The following CADPS2 variants were observed in gnomAD, a reference collection of about 807,000 sequenced individuals.
The protein encoded by CADPS2 is calcium-dependent secretion activator 2.
Under a neutral mutation model 172.5 loss-of-function variants are expected in CADPS2, and 93 were observed. The observed-to-expected ratio is 0.54, with a 90% CI of 0.46 to 0.64. The LOEUF (loss-of-function observed/expected upper bound fraction) is 0.64, where lower values mean the gene tolerates loss of function less well. CADPS2 is among the 30% of genes least tolerant of loss of function. The pLI, the probability that CADPS2 is intolerant of heterozygous loss-of-function variation, is 0.00. For synonymous variants in CADPS2, 546 were observed against 555.2 expected (o/e 0.98, Z 0.23); for missense variants, 1,420 against 1,565.9 (o/e 0.91, Z 1.57).
rs1390707355 is a variant in CADPS2, at chr7:122,387,198, A to G, written c.3165-25T>C. On this transcript the variant is annotated intron_variant, in intron 23 of 29. Transcript: ENST00000449022. ...TCTAGTTTTTAAAACATGAATTCAGAGTAAGAAATTCTGCTATACAGCTCA... is the reference window on the plus strand; with the variant it reads ...TCTAGTTTTTAAAACATGAATTCAGGGTAAGAAATTCTGCTATACAGCTCA... The G allele has an allele frequency of 6.4e-6, 10 of 1,561,146 alleles. No homozygotes were observed. The African/African-American group carries it at 1.4e-4, about 21-fold the overall frequency.
intron 2 of CADPS2, among the ~76,000 whole-genome samples, chr7:122,687,468 C>G (rs1399363447): frequency 6.6e-6 from 1 of 152,170 alleles, no homozygotes; most frequent in Non-Finnish European, 1.5e-5. Flanking sequence ...AGAACAAGTT[C>G]AAATATAGGT....
chr7:122,806,345 T>C (rs1224130620), intron 1 of CADPS2, among the ~76,000 whole-genome samples: 1 of 152,172 alleles, frequency 6.6e-6, no homozygotes, highest in Non-Finnish European at 1.5e-5. Context: ...TATGTCATTT[T>C]TTTCTACTAC....
At chr7:122,581,030 G>C (rs941560698) in intron 7 of CADPS2, 149 bp downstream of exon 7, 1 of 584,394 alleles carries the variant, frequency 1.7e-6, no homozygotes, top group Non-Finnish European at 3.1e-6. Context: ...ATAAATTAGA[G>C]GTGTATACTG....
intron 24 of CADPS2, among the ~76,000 whole-genome samples, chr7:122,385,295 AT>A (rs11419565): frequency 3.2e-4 from 48 of 151,516 alleles, no homozygotes; most frequent in East Asian, 1.2e-3. Context: ...ATATAAATAC[AT>A]TTTTTTTTCT....
chr7:122,825,301 T>A (rs1804560727), intron 1 of CADPS2, among the ~76,000 whole-genome samples: 1 of 152,152 alleles, frequency 6.6e-6, no homozygotes, highest in African/African-American at 2.4e-5. Flanking sequence ...TATCATGCCA[T>A]CAATTGTAAA....
intron 1 of CADPS2, among the ~76,000 whole-genome samples, chr7:122,822,218 G>GTCCCAATTCTTAGACC (rs1423016954): frequency 6.6e-6 from 1 of 151,456 alleles, no homozygotes; most frequent in African/African-American, 2.4e-5. Context: ...ATCCTGAGTC[G>GTCCCAATTCTTAGACC]TCCCAATTCT....
intron 27 of CADPS2, among the ~76,000 whole-genome samples, chr7:122,346,769 A>C (rs949466157): frequency 6.6e-6 from 1 of 152,208 alleles, no homozygotes; most frequent in African/African-American, 2.4e-5. Flanking sequence ...CAAAGTCAGT[A>C]CTAGTAAGGG....
intron 3 of CADPS2, among the ~76,000 whole-genome samples, chr7:122,637,037 T>C (rs577481622): frequency 6.8e-6 from 1 of 146,264 alleles, no homozygotes; most frequent in African/African-American, 2.5e-5. Context: ...GGTTTTATTT[T>C]TTTAAATTGT....
At chr7:122,629,398 C>G in intron 3 of CADPS2, 70 bp from the exon 4 acceptor site, 1 of 1,090,040 alleles carries the variant, frequency 9.2e-7, no homozygotes, top group Non-Finnish European at 1.3e-6. Flanking sequence ...CAGACTGAGG[C>G]AGTCCCACAG....
intron 3 of CADPS2, among the ~76,000 whole-genome samples, chr7:122,652,502 A>T (rs2079269414): frequency 6.6e-6 from 1 of 152,202 alleles, no homozygotes; most frequent in African/African-American, 2.4e-5. Context: ...GAATATATAT[A>T]TTTGAAATTA....
intron 8 of CADPS2, among the ~76,000 whole-genome samples, chr7:122,529,613 G>A (rs1219792033): frequency 6.6e-6 from 1 of 151,986 alleles, no homozygotes; most frequent in Non-Finnish European, 1.5e-5. Flanking sequence ...ATCAGCCTTT[G>A]GAAGAAAATG....
chr7:122,514,458 A>G (rs1459159128), intron 8 of CADPS2, among the ~76,000 whole-genome samples: 1 of 152,060 alleles, frequency 6.6e-6, no homozygotes, highest in African/African-American at 2.4e-5. Context: ...ATTTTGCAAA[A>G]CATAACAAAC....
intron 19 of CADPS2, among the ~76,000 whole-genome samples, chr7:122,412,273 C>T (rs1182014011): frequency 2.6e-5 from 4 of 152,116 alleles, no homozygotes; most frequent in Non-Finnish European, 5.9e-5. Flanking sequence ...CTATTGTAAT[C>T]TAGTTGGTCG....
At chr7:122,358,258 C>G (rs1160336581) in intron 27 of CADPS2, among the ~76,000 whole-genome samples, 1 of 152,072 alleles carries the variant, frequency 6.6e-6, no homozygotes, top group African/African-American at 2.4e-5. Flanking sequence ...TACTTGGTAT[C>G]TGCATATCTT....
In CADPS2 at chr7:122,679,180, G is replaced by A. The variant is rs192201541; in HGVS notation, c.454-15611C>T. On this transcript the variant is annotated intron_variant, in intron 2 of 29. Coordinates refer to ENST00000449022, the MANE Select transcript of CADPS2 (RefSeq NM_017954.11). ...ACAGAGCCATATTTCTCTTATTACCGAAAACAGGTAAGATAAATATCACTG... is the reference window on the plus strand; with the variant it reads ...ACAGAGCCATATTTCTCTTATTACCAAAAACAGGTAAGATAAATATCACTG... 6.4e-3 allele frequency among the ~76,000 whole-genome samples: 904 copies of A among 142,012 alleles called. 6 individuals carry two copies. The highest frequency in any genetic ancestry group is 0.015 in the Admixed American group (194 of 12,630). The allele number at this position is 142,012 out of a possible 152,430, so 93.2% of individuals were successfully genotyped here. A position where few individuals can be genotyped will look rare whatever the true frequency, so the allele number is the denominator to read the frequency against.
intron 4 of CADPS2, among the ~76,000 whole-genome samples, chr7:122,626,285 G>A (rs1218232043): frequency 6.6e-6 from 1 of 152,080 alleles, no homozygotes; most frequent in Middle Eastern, 3.2e-3. Context: ...CTGGCTAAAA[G>A]GACAGAACAA....
intron 25 of CADPS2, among the ~76,000 whole-genome samples, chr7:122,369,127 T>TCTCC (rs2041385098): frequency 2.0e-5 from 1 of 49,766 alleles, no homozygotes; most frequent in Non-Finnish European, 3.8e-5. Flanking sequence ...AATTTTTGTT[T>TCTCC]CCCCCCCCCC....
At chr7:122,618,861 T>C (rs981093370) in intron 5 of CADPS2, among the ~76,000 whole-genome samples, 4 of 152,192 alleles carry the variant, frequency 2.6e-5, no homozygotes, top group Non-Finnish European at 5.9e-5. Flanking sequence ...GATTTTACTT[T>C]GTTGCTGGAC....
intron 1 of CADPS2, among the ~76,000 whole-genome samples, chr7:122,800,474 T>C (rs942401948): frequency 2.0e-5 from 3 of 152,212 alleles, no homozygotes; most frequent in Non-Finnish European, 4.4e-5. Context: ...TTAAAATTCA[T>C]AGGAATACCC....
Sources: gnomAD v4.1 joint callset for allele counts (sites outside exome capture counted in the v4.1 genomes callset) on GRCh38, gnomAD v4.1.1 for gene constraint, MANE v1.5 for transcripts, NCBI Gene and HGNC (gene_info 2026-07-23, HGNC 2026-07-21) for gene names.